Variants in ZNF609 observed in about 807,000 individuals in gnomAD.
ZNF609 encodes zinc finger protein 609.
ZNF609 carries 11 observed loss-of-function variants against 109.5 expected under a neutral mutation model. The ratio of observed to expected loss-of-function variants is 0.10; its 90% CI spans 0.06 to 0.17. The LOEUF (loss-of-function observed/expected upper bound fraction) is 0.17. Ranked by LOEUF, ZNF609 falls within the 10% of genes least tolerant of loss-of-function variation. The probability of loss-of-function intolerance (pLI) is 1.00; values close to 1 mark genes in which losing one functional copy is unlikely to be tolerated. For synonymous variants in ZNF609, 646 were observed against 662.0 expected, an observed-to-expected ratio of 0.98 and a Z score of 0.37; for missense variants, 1,559 against 1,772.4, an observed-to-expected ratio of 0.88 and a Z score of 2.16.
intron 2 of ZNF609, among the ~76,000 whole-genome samples, chr15:64,604,981 G>A (rs949072759): frequency 2.0e-5 from 3 of 152,052 alleles, no homozygotes; most frequent in Admixed American, 6.6e-5. Context: ...CCAGGTGCCC[G>A]CCACCACGCC....
rs1894991714 is a variant in ZNF609 at position 64,577,147 on chromosome 15, C to CACACAAATATATACAT, written c.748-45679_748-45678insCACAAATATATACATA. 2.9e-4 allele frequency among the ~76,000 whole-genome samples: 11 copies of CACACAAATATATACAT among 38,582 alleles called. 3 individuals carry two copies. Among genetic ancestry groups the CACACAAATATATACAT allele is most frequent in the East Asian group, 5.1e-3 (2 of 390 alleles). 25.3% of individuals were successfully genotyped at this position (38,582 alleles called of 152,430 possible). On this transcript the variant is annotated intron_variant, in intron 2 of 9. Transcript: ENST00000326648. ...GTGTATATATACACACAAATATATA[C>CACACAAATATATACAT]ATATGTGTATATATACACACAATAT...
intron 2 of ZNF609, among the ~76,000 whole-genome samples, chr15:64,559,537 T>C (rs1894645015): frequency 6.6e-6 from 1 of 152,218 alleles, no homozygotes; most frequent in Non-Finnish European, 1.5e-5. Flanking sequence ...CATTTATTTA[T>C]CACCTTCTGT....
chr15:64,506,601 T>A (rs1273302572), intron 2 of ZNF609, among the ~76,000 whole-genome samples: 1 of 151,618 alleles, frequency 6.6e-6, no homozygotes, highest in Non-Finnish European at 1.5e-5. Flanking sequence ...ATGCCTGTAG[T>A]CCCAGCTACT....
At chr15:64,658,792 CAAA>C (rs199554544) in intron 3 of ZNF609, among the ~76,000 whole-genome samples, 2 of 133,130 alleles carry the variant, frequency 1.5e-5, no homozygotes, top group East Asian at 4.4e-4. Context: ...GATCCTGTCT[CAAA>C]AAAAAAAAAG....
At chr15:64,577,090 A>ATGTATATATACACAAATATATACATATG (rs1894987080) in intron 2 of ZNF609, among the ~76,000 whole-genome samples, 1 of 35,022 alleles carries the variant, frequency 2.9e-5, no homozygotes, top group South Asian at 6.1e-4. Flanking sequence ...ATATACATAT[A>ATGTATATATACACAAATATATACATATG]TGTATATATA....
intron 3 of ZNF609, among the ~76,000 whole-genome samples, chr15:64,624,294 T>C (rs1041220862): frequency 1.3e-5 from 2 of 152,200 alleles, no homozygotes; most frequent in Admixed American, 6.5e-5. Flanking sequence ...TCTGGATATG[T>C]GTATACAATA....
intron 2 of ZNF609, among the ~76,000 whole-genome samples, chr15:64,553,265 G>T (rs1894515464): frequency 7.3e-6 from 1 of 137,554 alleles, no homozygotes. Context: ...GCTTGTCCAT[G>T]CCTTAAAAAA....
chr15:64,579,761 T>G (rs1370058048), intron 2 of ZNF609, among the ~76,000 whole-genome samples: 2 of 152,206 alleles, frequency 1.3e-5, no homozygotes, highest in African/African-American at 2.4e-5. Context: ...CTTTGTCCTT[T>G]GTGCTATTAT....
At position 64,496,282 on chromosome 15, in the gene ZNF609, C is replaced by T. The variant is rs533329346; in HGVS notation, c.-127-3011C>T. 5.9e-5 allele frequency among the ~76,000 whole-genome samples: 9 copies of T among 152,254 alleles called. No homozygotes were observed. In the South Asian group the frequency reaches 1.0e-3, roughly 18 times the overall value. On this transcript the variant is annotated intron_variant, in intron 1 of 9. Coordinates refer to ENST00000326648, the MANE Select transcript of ZNF609 (RefSeq NM_015042.2). ...CCTTACTCCTCCAGAGTCTCTCTTCCGTTACCATTCTATTTTCTAGAGGAA... is the reference window on the plus strand; with the variant it reads ...CCTTACTCCTCCAGAGTCTCTCTTCTGTTACCATTCTATTTTCTAGAGGAA...
intron 3 of ZNF609, among the ~76,000 whole-genome samples, chr15:64,663,841 G>A (rs1259525258): frequency 2.6e-5 from 4 of 152,252 alleles, no homozygotes; most frequent in Admixed American, 2.6e-4. Flanking sequence ...GATCAGCCTT[G>A]ACTACACAAA....
chr15:64,662,525 A>G (rs1334133111), intron 3 of ZNF609, among the ~76,000 whole-genome samples: 1 of 152,128 alleles, frequency 6.6e-6, no homozygotes, highest in Non-Finnish European at 1.5e-5. Context: ...GGGTCTCACT[A>G]CATTGCCCAG....
At chr15:64,566,304 G>A (rs763635083) in intron 2 of ZNF609, among the ~76,000 whole-genome samples, 1 of 152,194 alleles carries the variant, frequency 6.6e-6, no homozygotes, top group Non-Finnish European at 1.5e-5. Flanking sequence ...CACTCCAGCT[G>A]GGGCCACAGA....
intron 3 of ZNF609, among the ~76,000 whole-genome samples, chr15:64,660,650 C>A (rs1391573978): frequency 6.6e-6 from 1 of 152,160 alleles, no homozygotes; most frequent in African/African-American, 2.4e-5. Flanking sequence ...TCTCTCTGAC[C>A]TCATGTGTTC....
intron 1 of ZNF609, among the ~76,000 whole-genome samples, chr15:64,498,794 T>G (rs1893518229): frequency 6.6e-6 from 1 of 152,176 alleles, no homozygotes; most frequent in South Asian, 2.1e-4. Context: ...TTCCCAATAG[T>G]AGGAGGAATC....
intron 3 of ZNF609, among the ~76,000 whole-genome samples, chr15:64,636,254 A>G (rs1308990723): frequency 3.3e-5 from 5 of 152,148 alleles, no homozygotes; most frequent in Non-Finnish European, 5.9e-5. Context: ...TTAATCTACT[A>G]TCCCTGTGCT....
At chr15:64,622,778 C>A in intron 2 of ZNF609, 49 bp from the exon 3 acceptor site, 1 of 1,500,474 alleles carries the variant, frequency 6.7e-7, no homozygotes, top group Non-Finnish European at 9.3e-7. Flanking sequence ...GGTATTTCCT[C>A]TAAATGTTCT....
intron 2 of ZNF609, among the ~76,000 whole-genome samples, chr15:64,571,193 T>C (rs1378996307): frequency 3.9e-5 from 6 of 152,194 alleles, no homozygotes; most frequent in Admixed American, 3.3e-4. Context: ...ATAGGAATTC[T>C]AGAGGGGAAG....
chr15:64,531,611 C>T (rs151054286), intron 2 of ZNF609, among the ~76,000 whole-genome samples: 6 of 152,082 alleles, frequency 3.9e-5, no homozygotes, highest in East Asian at 3.9e-4. Context: ...GTTGCCCAGG[C>T]GGGTCTTGAA....
At chr15:64,531,802 C>T (rs1894067862) in intron 2 of ZNF609, among the ~76,000 whole-genome samples, 1 of 152,190 alleles carries the variant, frequency 6.6e-6, no homozygotes, top group Non-Finnish European at 1.5e-5. Context: ...TTCCAACACC[C>T]TTGTCAACTC....
Sources: gnomAD v4.1 joint callset for allele counts (sites outside exome capture counted in the v4.1 genomes callset) on GRCh38, gnomAD v4.1.1 for gene constraint, MANE v1.5 for transcripts, NCBI Gene and HGNC (gene_info 2026-07-23, HGNC 2026-07-21) for gene names.